ELAPOR1: variants seen among roughly 807,000 people sequenced by gnomAD.
ELAPOR1 encodes the protein endosome/lysosome-associated apoptosis and autophagy regulator 1.
Under a neutral mutation model 119.7 loss-of-function variants are expected in ELAPOR1, and 77 were observed. The ratio of observed to expected loss-of-function variants is 0.64; its 90% CI spans 0.54 to 0.78. The LOEUF (loss-of-function observed/expected upper bound fraction) is 0.78. Ranked by LOEUF, ELAPOR1 falls within the 30% of genes least tolerant of loss-of-function variation. The pLI is 0.00. For missense variants in ELAPOR1, 1,115 were observed against 1,270.4 expected, an observed-to-expected ratio of 0.88 and a Z score of 1.86; for synonymous variants, 481 against 487.2, an observed-to-expected ratio of 0.99 and a Z score of 0.17.
chr1:109,165,112 G>A (rs909183658), intron 3 of ELAPOR1, among the ~76,000 whole-genome samples: 19 of 152,100 alleles, frequency 1.2e-4, no homozygotes, highest in Non-Finnish European at 2.2e-4. Context: ...GAAACATAGC[G>A]AGACCCCTGT....
chr1:109,131,757 G>A lies in ELAPOR1; in HGVS notation c.153+17421G>A, dbSNP rs139000999. Among the ~76,000 whole-genome samples, 1,189 of 152,282 alleles carry A rather than the reference G, an allele frequency of 7.8e-3. 22 individuals carry two copies. Among genetic ancestry groups the A allele is most frequent in the African/African-American group, 0.027 (1,136 of 41,550 alleles). On this transcript the variant is annotated intron_variant, in intron 1 of 21. Transcript: ENST00000369939. ...GAAATCAGAGAAAGCTTCAGGGGCC[G>A]GAGGCATCTGAGGGCCTAGGGCAGT...
Position 109,197,589 on chromosome 1 carries a change from C to G in ELAPOR1, c.2237C>G (p.Pro746Arg), listed in dbSNP as rs771181312. The change falls in exon 16 of 22, where the codon CCA (proline) becomes CGA (arginine). Residue 746 changes from proline to arginine, a missense_variant. Physicochemically the swap from Pro to Arg is moderately radical, Grantham distance 103. Coordinates refer to ENST00000369939, the MANE Select transcript of ELAPOR1 (RefSeq NM_020775.5). ...AYVCQAVIIP[P>R]EVTGYKAGVS... ...GTCTGCCAGGCAGTCATCATCCCCC[C>G]AGAGGTGACAGGCTACAAGGCCGGG... 4.3e-6 allele frequency: 7 copies of G among 1,614,098 alleles called. No individual in the cohort carries two copies. Among genetic ancestry groups the G allele is most frequent in the South Asian group, 1.1e-5 (1 of 91,090 alleles).
intron 1 of ELAPOR1, among the ~76,000 whole-genome samples, chr1:109,133,997 G>A (rs553214526): frequency 4.6e-5 from 7 of 152,286 alleles, no homozygotes; most frequent in Non-Finnish European, 7.3e-5. Flanking sequence ...GTGATGTTGC[G>A]CCAGCCTGGC....
intron 1 of ELAPOR1, among the ~76,000 whole-genome samples, chr1:109,148,140 TTTA>T (rs202198929): frequency 0.072 from 10,921 of 151,058 alleles, 449 homozygotes; most frequent in Non-Finnish European, 0.09. Flanking sequence ...CCTGGCCTAT[TTTA>T]TTATTATTTT....
rs1490533556 is a variant in ELAPOR1 at position 109,164,527 on chromosome 1, G to A, written c.303G>A (p.Leu101=). The change falls in exon 3 of 22, where the codon CTG becomes CTA. Residue 101 remains leucine, a synonymous_variant. Coordinates refer to ENST00000369939, the MANE Select transcript of ELAPOR1 (RefSeq NM_020775.5). Reference sequence around the variant, plus strand: ...TCTCCTGCAACGCCGGGGAGTTTCTGGATATGAAGGACCAGTCATGTAAGC... The same window carrying A: ...TCTCCTGCAACGCCGGGGAGTTTCTAGATATGAAGGACCAGTCATGTAAGC... ...CSFSCNAGEF[L]DMKDQSCKPC... 7 of 1,613,442 alleles carry A rather than the reference G, an allele frequency of 4.3e-6. No individual in the cohort carries two copies. The East Asian group carries it at 8.9e-5, about 21-fold the overall frequency.
chr1:109,117,785 G>A (rs1277359504), intron 1 of ELAPOR1, among the ~76,000 whole-genome samples: 2 of 152,228 alleles, frequency 1.3e-5, no homozygotes, highest in African/African-American at 4.8e-5. Flanking sequence ...TTAACATGTG[G>A]TAAACAATGC....
At chr1:109,142,339 G>A (rs1200707880) in intron 1 of ELAPOR1, among the ~76,000 whole-genome samples, 7 of 152,234 alleles carry the variant, frequency 4.6e-5, no homozygotes, top group African/African-American at 1.7e-4. Context: ...ATGAAGTTAG[G>A]AGTAAATGGA....
chr1:109,155,277 G>C (rs1296627775), intron 1 of ELAPOR1, among the ~76,000 whole-genome samples: 1 of 151,896 alleles, frequency 6.6e-6, no homozygotes, highest in Non-Finnish European at 1.5e-5. Flanking sequence ...CCGGGTTCAC[G>C]CCATTCTCCT....
chr1:109,197,887 G>A (rs1653926382), intron 16 of ELAPOR1, 92 bp from the exon 17 acceptor site: 1 of 1,173,380 alleles, frequency 8.5e-7, no homozygotes, highest in Non-Finnish European at 1.3e-6. Context: ...ATGAGATGAA[G>A]TGAGGTTGGA....
intron 15 of ELAPOR1, among the ~76,000 whole-genome samples, chr1:109,196,838 A>G (rs1653829347): frequency 6.6e-6 from 1 of 152,136 alleles, no homozygotes; most frequent in Non-Finnish European, 1.5e-5. Context: ...ATGCGCCAGC[A>G]CGTCCAGCTA....
intron 1 of ELAPOR1, among the ~76,000 whole-genome samples, chr1:109,128,256 G>A (rs1648920985): frequency 6.6e-6 from 1 of 152,134 alleles, no homozygotes; most frequent in Non-Finnish European, 1.5e-5. Context: ...CTAGAATGTG[G>A]TTTTCTAAGT....
intron 3 of ELAPOR1, among the ~76,000 whole-genome samples, chr1:109,165,748 C>CTTCT (rs1651558110): frequency 7.4e-6 from 1 of 135,420 alleles, no homozygotes; most frequent in African/African-American, 2.8e-5. Flanking sequence ...TCTTCTTCTT[C>CTTCT]TTTTTTTTTT....
intron 3 of ELAPOR1, among the ~76,000 whole-genome samples, chr1:109,170,613 CAT>C (rs1369841396): frequency 1.3e-5 from 2 of 152,156 alleles, no homozygotes; most frequent in Non-Finnish European, 2.9e-5. Flanking sequence ...AAAGAAATGT[CAT>C]AGAGTTGAAG....
At chr1:109,140,243 A>G (rs544951799) in intron 1 of ELAPOR1, among the ~76,000 whole-genome samples, 1 of 152,280 alleles carries the variant, frequency 6.6e-6, no homozygotes, top group East Asian at 1.9e-4. Context: ...TTGGCTCTCT[A>G]TATGCCAGGA....
intron 1 of ELAPOR1, among the ~76,000 whole-genome samples, chr1:109,141,631 G>C (rs1399073808): frequency 6.6e-6 from 1 of 152,038 alleles, no homozygotes; most frequent in Non-Finnish European, 1.5e-5. Flanking sequence ...CACTCAATTA[G>C]ATATGGAATG....
At chr1:109,171,005 C>G (rs1291201656) in intron 3 of ELAPOR1, among the ~76,000 whole-genome samples, 2 of 152,294 alleles carry the variant, frequency 1.3e-5, no homozygotes, top group Non-Finnish European at 1.5e-5. Context: ...AACAGGTAGA[C>G]TAGACTGGGT....
At chr1:109,199,748 G>A in intron 18 of ELAPOR1, 106 bp from the exon 19 acceptor site, 2 of 1,325,444 alleles carry the variant, frequency 1.5e-6, no homozygotes, top group Admixed American at 1.8e-5. Context: ...AATGGTTTGG[G>A]CAGGGAGAGG....
intron 1 of ELAPOR1, among the ~76,000 whole-genome samples, chr1:109,118,257 G>A (rs1648155475): frequency 6.6e-6 from 1 of 152,192 alleles, no homozygotes; most frequent in Admixed American, 6.5e-5. Context: ...TAGATAGAGG[G>A]AGGAGCTTGA....
At position 109,172,498 on chromosome 1, in the gene ELAPOR1, ACCAGTG is replaced by A. The variant is rs1443518395; in HGVS notation, c.631_636del (p.Cys211_Gln212del). The A allele has an allele frequency of 6.2e-7, 1 of 1,613,274 alleles. No individual in the cohort carries two copies. The highest frequency in any genetic ancestry group is 1.3e-5 in the African/African-American group (1 of 74,842). On this transcript the variant is annotated inframe_deletion, in exon 5 of 22. Transcript: ENST00000369939. The stretch of plus-strand genomic sequence containing the variant: ...CTCTTTTTATGTCAGGTTCAGAATG[ACCAGTG>A]CCAGCCCAATGCAGATGACTCCAGG...
Sources: allele counts gnomAD v4.1 joint callset (sites outside exome capture counted in the v4.1 genomes callset), GRCh38; gene constraint gnomAD v4.1.1; transcripts MANE v1.5; gene names NCBI Gene and HGNC (gene_info 2026-07-23, HGNC 2026-07-21).